Variants in WDFY3 observed in about 807,000 individuals in gnomAD.
The protein encoded by WDFY3 is WD repeat and FYVE domain containing 3.
In WDFY3, 66 loss-of-function variants were observed where a neutral mutation model predicts 409.6. That is an observed-to-expected ratio of 0.16 (90% CI 0.13 to 0.20). The LOEUF (loss-of-function observed/expected upper bound fraction) is 0.20, where lower values mean the gene tolerates loss of function less well. Among genes scored for constraint, WDFY3 ranks in the 10% least tolerant of loss-of-function variants. WDFY3 has a pLI of 1.00. For synonymous variants in WDFY3, 1,521 were observed against 1,537.1 expected (o/e 0.99, Z 0.25); for missense variants, 3,031 against 4,298.1 (o/e 0.71, Z 8.24).
intron 2 of WDFY3, among the ~76,000 whole-genome samples, chr4:84,905,395 A>T (rs1199523557): frequency 2.6e-5 from 4 of 152,118 alleles, no homozygotes; most frequent in Non-Finnish European, 2.9e-5. Context: ...CTCCAGTCTC[A>T]TTTAAGAATA....
At chr4:84,773,034 ACT>A in intron 29 of WDFY3, 105 bp from the exon 30 acceptor site, 1 of 798,324 alleles carries the variant, frequency 1.3e-6, no homozygotes, top group Non-Finnish European at 1.9e-6. Flanking sequence ...CCAAAACAGT[ACT>A]TTTTTTTTTT....
At chr4:84,859,384 A>G (rs1190819182) in intron 4 of WDFY3, among the ~76,000 whole-genome samples, 1 of 152,084 alleles carries the variant, frequency 6.6e-6, no homozygotes, top group African/African-American at 2.4e-5. Flanking sequence ...GGAAGTAAAG[A>G]AGCTAATTCT....
At chr4:84,771,525 T>C (rs1242370608) in intron 30 of WDFY3, among the ~76,000 whole-genome samples, 3 of 152,242 alleles carry the variant, frequency 2.0e-5, no homozygotes, top group Non-Finnish European at 4.4e-5. Flanking sequence ...TTAGTCAGCC[T>C]ATATTAATTT....
At chr4:84,885,588 T>C (rs1764110408) in intron 3 of WDFY3, among the ~76,000 whole-genome samples, 1 of 151,694 alleles carries the variant, frequency 6.6e-6, no homozygotes, top group Non-Finnish European at 1.5e-5. Flanking sequence ...ACAAGAAAAA[T>C]ACAGCAATCC....
At chr4:84,790,419 C>A (rs542563573) in intron 21 of WDFY3, among the ~76,000 whole-genome samples, 1 of 152,194 alleles carries the variant, frequency 6.6e-6, no homozygotes, top group African/African-American at 2.4e-5. Context: ...AATACCCTTA[C>A]CTGCAGTAAA....
At chr4:84,906,601 G>A (rs1378669424) in intron 2 of WDFY3, among the ~76,000 whole-genome samples, 1 of 152,094 alleles carries the variant, frequency 6.6e-6, no homozygotes, top group African/African-American at 2.4e-5. Context: ...CCATGCTCAA[G>A]TCCCTTATAT....
chr4:84,768,104 A>G (rs545064464), intron 30 of WDFY3, among the ~76,000 whole-genome samples: 112 of 152,304 alleles, frequency 7.4e-4, no homozygotes, highest in African/African-American at 2.5e-3. Flanking sequence ...GACAAAAAGA[A>G]AAAACAAAGA....
intron 2 of WDFY3, among the ~76,000 whole-genome samples, chr4:84,907,029 G>T (rs761418635): frequency 1.2e-4 from 18 of 151,820 alleles, no homozygotes; most frequent in African/African-American, 3.9e-4. Flanking sequence ...TCTGTCCATG[G>T]TTGGTTGCAT....
At chr4:84,830,030 A>C (rs1190343645) in intron 8 of WDFY3, among the ~76,000 whole-genome samples, 1 of 152,132 alleles carries the variant, frequency 6.6e-6, no homozygotes, top group Non-Finnish European at 1.5e-5. Context: ...GTATTTGTAT[A>C]AAGAAACTCA....
chr4:84,885,421 T>C (rs1257855418), intron 3 of WDFY3, among the ~76,000 whole-genome samples: 1 of 151,752 alleles, frequency 6.6e-6, no homozygotes, highest in Non-Finnish European at 1.5e-5. Flanking sequence ...ACTTACCGTA[T>C]ATAAAAATAA....
intron 1 of WDFY3, among the ~76,000 whole-genome samples, chr4:84,951,270 T>C (rs1773577128): frequency 6.6e-6 from 1 of 152,252 alleles, no homozygotes; most frequent in South Asian, 2.1e-4. Flanking sequence ...CGTTTGTTTT[T>C]ATCATATTTT....
chr4:84,826,269 T>A (rs1000166195), intron 10 of WDFY3, among the ~76,000 whole-genome samples: 11 of 152,216 alleles, frequency 7.2e-5, no homozygotes, highest in African/African-American at 2.7e-4. Context: ...TACATAGCAT[T>A]TACATTGTAT....
At chr4:84,946,953 C>G (rs1772923274) in intron 1 of WDFY3, among the ~76,000 whole-genome samples, 1 of 151,616 alleles carries the variant, frequency 6.6e-6, no homozygotes. Context: ...ACTACAGGCA[C>G]CTGCCACCAC....
chr4:84,783,192 T>A (rs1746873894), intron 24 of WDFY3, 118 bp from the exon 25 acceptor site: 1 of 946,550 alleles, frequency 1.1e-6, no homozygotes, highest in Non-Finnish European at 1.6e-6. Context: ...CTTATCAGAA[T>A]ACTGAAAAAC....
chr4:84,813,794 C>A (rs1425872052), intron 13 of WDFY3, among the ~76,000 whole-genome samples: 33 of 152,078 alleles, frequency 2.2e-4, no homozygotes, highest in Non-Finnish European at 2.9e-5. Context: ...AAGTTGGCAA[C>A]CTTAGCATCT....
At chr4:84,857,888 C>T (rs929952593) in intron 4 of WDFY3, among the ~76,000 whole-genome samples, 23 of 152,268 alleles carry the variant, frequency 1.5e-4, no homozygotes, top group Middle Eastern at 3.4e-3. Context: ...CACTCTTGCC[C>T]TTCTGCCTTA....
intron 38 of WDFY3, 135 bp downstream of exon 38, chr4:84,741,626 A>T: frequency 1.8e-6 from 2 of 1,083,128 alleles, no homozygotes; most frequent in Non-Finnish European, 2.5e-6. Flanking sequence ...GTCTCTATTC[A>T]CTTTTAATAA....
intron 2 of WDFY3, among the ~76,000 whole-genome samples, chr4:84,911,474 G>A (rs866364720): frequency 6.6e-6 from 1 of 152,262 alleles, no homozygotes; most frequent in Middle Eastern, 3.4e-3. Flanking sequence ...GTGACAGAGT[G>A]AGACCCTGTC....
chr4:84,755,696 A>G (rs1216065587), intron 33 of WDFY3, among the ~76,000 whole-genome samples: 1 of 152,230 alleles, frequency 6.6e-6, no homozygotes, highest in Non-Finnish European at 1.5e-5. Flanking sequence ...CATGTTAATT[A>G]GCCAAGAGAT....
Sources: allele counts gnomAD v4.1 joint callset (sites outside exome capture counted in the v4.1 genomes callset), GRCh38; gene constraint gnomAD v4.1.1; transcripts MANE v1.5; gene names NCBI Gene and HGNC (gene_info 2026-07-23, HGNC 2026-07-21).